CYP20A1: variants seen among roughly 807,000 people sequenced by gnomAD.
CYP20A1 encodes the protein cytochrome P450 family 20 subfamily A member 1, also known as cytochrome P450 20A1.
A neutral mutation model predicts 61.4 loss-of-function variants in CYP20A1; 61 were observed. The observed-to-expected ratio is 0.99, with a 90% CI of 0.81 to 1.23. The LOEUF (loss-of-function observed/expected upper bound fraction) is 1.23, where lower values mean the gene tolerates loss of function less well. CYP20A1 is among the 50% of genes most tolerant of loss of function. CYP20A1 has a pLI of 0.00. For synonymous variants in CYP20A1, 193 were observed against 188.2 expected (o/e 1.03, Z -0.21); for missense variants, 530 against 542.4 (o/e 0.98, Z 0.23).
intron 6 of CYP20A1, among the ~76,000 whole-genome samples, chr2:203,273,562 G>A (rs1239138554): frequency 2.0e-5 from 3 of 152,164 alleles, no homozygotes; most frequent in Admixed American, 1.3e-4. Context: ...CTACTTGGGA[G>A]GCTGAGATGA....
rs185888843 is a variant in CYP20A1 at position 203,292,377 on chromosome 2, C to T, written c.1148+51C>T. 144 of 1,346,086 alleles carry T rather than the reference C, an allele frequency of 1.1e-4. 1 individual carries two copies. The East Asian group carries it at 2.6e-3, about 24-fold the overall frequency. 83.4% of individuals were successfully genotyped at this position (1,346,086 alleles called of 1,614,324 possible). Reference sequence around the variant, plus strand: ...GTGACTGTCAGTTTTTGTGTTTGCACGTTTTGCATTCCTTTCCTAACTGTT... The same window carrying T: ...GTGACTGTCAGTTTTTGTGTTTGCATGTTTTGCATTCCTTTCCTAACTGTT... On this transcript the variant is annotated intron_variant, in intron 11 of 12. Transcript: ENST00000356079.
At position 203,304,484 on chromosome 2, in the gene CYP20A1, A is replaced by C. The variant is rs1239575384; in HGVS notation, c.*7576A>C. ...AGTGCTGGGATTACAGGTGTGAGCC[A>C]CAGCGCCCGGCCAAAAAAAGGAATT... On this transcript the variant is annotated 3_prime_UTR_variant, in exon 13 of 13. Coordinates refer to ENST00000356079, the MANE Select transcript of CYP20A1 (RefSeq NM_177538.3). 6.6e-6 allele frequency among the ~76,000 whole-genome samples: 1 copy of C among 152,174 alleles called. No homozygotes were observed.
chr2:203,282,316 C>T (rs1030607355), intron 8 of CYP20A1, among the ~76,000 whole-genome samples: 5 of 151,988 alleles, frequency 3.3e-5, no homozygotes, highest in East Asian at 3.9e-4. Context: ...TGAGCCACCA[C>T]GTCCTGCCTT....
chr2:203,246,764 TC>T lies in CYP20A1; in HGVS notation c.133del (p.Leu45PhefsTer5). 1 of 1,609,874 alleles carries T rather than the reference TC, an allele frequency of 6.2e-7. No homozygotes were observed. ...ITPTEEKDGNLPDIVNSGSLH... is the reference protein window; with the variant it reads ...ITPTEEKDGNXPDIVNSGSLH... ...GTTGCTCTTTTGCCAGAGATGGTAA[TC>T]TTCCAGATATTGTGAATAGTGGAAG... On this transcript the variant is annotated frameshift_variant, in exon 3 of 13. Transcript: ENST00000356079. LOFTEE classifies it high-confidence loss of function.
At chr2:203,263,657 G>A (rs1210976033) in intron 4 of CYP20A1, among the ~76,000 whole-genome samples, 1 of 152,062 alleles carries the variant, frequency 6.6e-6, no homozygotes, top group African/African-American at 2.4e-5. Context: ...TTTCCATTGT[G>A]CTTTCTTCTT....
intron 6 of CYP20A1, among the ~76,000 whole-genome samples, chr2:203,274,394 C>T (rs2067729323): frequency 6.6e-6 from 1 of 152,026 alleles, no homozygotes; most frequent in South Asian, 2.1e-4. Flanking sequence ...CCATGTTGGC[C>T]AGACTGGTCT....
At chr2:203,293,726 C>G (rs2068646982) in intron 11 of CYP20A1, among the ~76,000 whole-genome samples, 1 of 151,952 alleles carries the variant, frequency 6.6e-6, no homozygotes, top group Non-Finnish European at 1.5e-5. Flanking sequence ...CCCCCAAGTC[C>G]CTAAAGTCCA....
chr2:203,264,113 C>T (rs1363314819), intron 4 of CYP20A1, among the ~76,000 whole-genome samples: 2 of 151,992 alleles, frequency 1.3e-5, no homozygotes, highest in Non-Finnish European at 2.9e-5. Context: ...AGCGATCCTC[C>T]CAAGTAGCTG....
intron 4 of CYP20A1, among the ~76,000 whole-genome samples, chr2:203,258,928 G>A (rs2067022260): frequency 1.3e-5 from 2 of 152,090 alleles, no homozygotes; most frequent in Non-Finnish European, 1.5e-5. Flanking sequence ...GTATTTAATT[G>A]TGTATCCCCA....
At position 203,288,063 on chromosome 2, in the gene CYP20A1, T is replaced by TC. The variant is rs72334680; in HGVS notation, c.972-1702_972-1701insC. Among the ~76,000 whole-genome samples, 114 of 41,318 alleles carry TC rather than the reference T, an allele frequency of 2.8e-3. 1 individual carries two copies. Among genetic ancestry groups the TC allele is most frequent in the African/African-American group, 6.5e-3 (60 of 9,274 alleles). 27.1% of individuals were successfully genotyped at this position (41,318 alleles called of 152,430 possible). The stretch of plus-strand genomic sequence containing the variant: ...AGCCTGTGTTTATTTCTCTCTCTCT[T>TC]TTTTTTTTTTTTTTTTTTTTCAGAT... On this transcript the variant is annotated intron_variant, in intron 9 of 12. Coordinates refer to ENST00000356079, the MANE Select transcript of CYP20A1 (RefSeq NM_177538.3).
rs113814964 is a variant in CYP20A1, at chr2:203,279,204, G to T, written c.795+516G>T. 8.6e-3 allele frequency among the ~76,000 whole-genome samples: 1,312 copies of T among 152,196 alleles called. 15 individuals carry two copies. Among genetic ancestry groups the T allele is most frequent in the African/African-American group, 0.03 (1,261 of 41,532 alleles). On this transcript the variant is annotated intron_variant, in intron 7 of 12. Coordinates refer to ENST00000356079, the MANE Select transcript of CYP20A1 (RefSeq NM_177538.3). The stretch of plus-strand genomic sequence containing the variant: ...ATGGTCTCTATCTCTTTCACATCAT[G>T]ATCCACCCGCCTTGGCCTCCCAAAG...
At chr2:203,290,065 C>T (rs144647022) in intron 10 of CYP20A1, among the ~76,000 whole-genome samples, 189 bp downstream of exon 10, 7,459 of 151,968 alleles carry the variant, frequency 0.049, 251 homozygotes, top group Non-Finnish European at 0.077. Flanking sequence ...CTCAGCCTCC[C>T]GAGTAGCGGG....
intron 4 of CYP20A1, among the ~76,000 whole-genome samples, chr2:203,256,778 A>G (rs1185163926): frequency 6.6e-6 from 1 of 152,220 alleles, no homozygotes; most frequent in African/African-American, 2.4e-5. Context: ...GTTATAGAGC[A>G]GGCCCTCAGT....
intron 4 of CYP20A1, among the ~76,000 whole-genome samples, chr2:203,264,457 G>A (rs1393286303): frequency 6.6e-6 from 1 of 151,976 alleles, no homozygotes; most frequent in Non-Finnish European, 1.5e-5. Flanking sequence ...AACTCCACTA[G>A]CTTTCTTTCA....
chr2:203,257,177 G>T (rs1372946539), intron 4 of CYP20A1, among the ~76,000 whole-genome samples: 10 of 151,890 alleles, frequency 6.6e-5, no homozygotes, highest in African/African-American at 2.4e-4. Context: ...AATTAGCTGA[G>T]CATGGTGGTG....
At chr2:203,294,941 A>AATTTTTTT (rs2068718528) in intron 11 of CYP20A1, among the ~76,000 whole-genome samples, 1 of 45,470 alleles carries the variant, frequency 2.2e-5, no homozygotes, top group African/African-American at 8.4e-5. Context: ...CTTTAAAAAA[A>AATTTTTTT]TTTTTTTTTT....
At chr2:203,249,701 T>C (rs2105906041) in intron 3 of CYP20A1, among the ~76,000 whole-genome samples, 1 of 152,046 alleles carries the variant, frequency 6.6e-6, no homozygotes, top group South Asian at 2.1e-4. Flanking sequence ...AAAAATTAGC[T>C]GAGCATGGTG....
intron 11 of CYP20A1, among the ~76,000 whole-genome samples, chr2:203,292,646 A>G (rs1007806707): frequency 6.6e-6 from 1 of 152,010 alleles, no homozygotes; most frequent in Non-Finnish European, 1.5e-5. Context: ...TTTTGTACAG[A>G]TGGGGTTTCA....
chr2:203,288,945 A>G (rs1005233883), intron 9 of CYP20A1, among the ~76,000 whole-genome samples: 1 of 152,238 alleles, frequency 6.6e-6, no homozygotes, highest in Admixed American at 6.5e-5. Context: ...GAACTGACTC[A>G]TAGCAAGATT....
Sources: allele counts gnomAD v4.1 joint callset (sites outside exome capture counted in the v4.1 genomes callset), GRCh38; gene constraint gnomAD v4.1.1; transcripts MANE v1.5; gene names NCBI Gene and HGNC (gene_info 2026-07-23, HGNC 2026-07-21).